The following ZNF728 variants were observed in gnomAD, a reference collection of about 807,000 sequenced individuals.
The protein encoded by ZNF728 is zinc finger protein 728.
In ZNF728, 12 loss-of-function variants were observed where a neutral mutation model predicts 12.5. The ratio of observed to expected loss-of-function variants is 0.96; its 90% CI spans 0.61 to 1.55. ZNF728 has a LOEUF of 1.55. Ranked by LOEUF, ZNF728 falls within the 40% of genes most tolerant of loss-of-function variation. The pLI, the probability that ZNF728 is intolerant of heterozygous loss-of-function variation, is 0.00. For missense variants in ZNF728, 692 were observed against 719.2 expected (o/e 0.96, Z 0.43); for synonymous variants, 205 against 240.7 (o/e 0.85, Z 1.37).
intron 1 of ZNF728, among the ~76,000 whole-genome samples, chr19:22,996,115 A>G (rs972561290): frequency 3.9e-5 from 6 of 152,206 alleles, no homozygotes; most frequent in South Asian, 4.1e-4. Flanking sequence ...ATATAAATAT[A>G]TAAGTATGAA....
chr19:22,988,251 C>T, intron 2 of ZNF728, 74 bp downstream of exon 2: 2 of 1,609,166 alleles, frequency 1.2e-6, no homozygotes, highest in Non-Finnish European at 1.7e-6. Context: ...CCTCCTTTGT[C>T]CAGGCCAATA....
At position 22,997,711 on chromosome 19, in the gene ZNF728, C is replaced by T. The variant is rs75485119; in HGVS notation, c.3+5317G>A. ...AAAAACTACAAAATATCAAGAAATCCTGGCATTAAATCTATTTAAAAAAAA... is the reference window on the plus strand; with the variant it reads ...AAAAACTACAAAATATCAAGAAATCTTGGCATTAAATCTATTTAAAAAAAA... On this transcript the variant is annotated intron_variant, in intron 1 of 3. Transcript: ENST00000594710. Among the ~76,000 whole-genome samples the T allele has an allele frequency of 1.8e-3, 272 of 150,312 alleles. 5 individuals are homozygous for T. The East Asian group carries it at 0.044, about 24-fold the overall frequency.
In ZNF728 at chr19:22,975,345, G is replaced by A. The variant is rs942074325; in HGVS notation, c.*123C>T. 3.4e-6 allele frequency: 3 copies of A among 876,368 alleles called. No homozygotes were observed. The highest frequency in any genetic ancestry group is 2.5e-5 in the East Asian group (1 of 39,216). 54.3% of individuals were successfully genotyped at this position (876,368 alleles called of 1,614,324 possible). On this transcript the variant is annotated 3_prime_UTR_variant, in exon 4 of 4. Transcript: ENST00000594710. ...TCCAGTATGAATTACCTTATGTTTA[G>A]TAAGGATTGAGGAACAGTTAAAAAA... is the stretch of plus-strand genomic sequence containing the variant.
At chr19:22,983,080 A>G (rs1332462683) in intron 3 of ZNF728, among the ~76,000 whole-genome samples, 2 of 152,154 alleles carry the variant, frequency 1.3e-5, no homozygotes, top group Admixed American at 6.5e-5. Context: ...GGCAACCTAC[A>G]GGATGGGAGA....
At chr19:22,984,627 C>T (rs1254245795) in intron 3 of ZNF728, among the ~76,000 whole-genome samples, 2 of 148,316 alleles carry the variant, frequency 1.3e-5, no homozygotes, top group Admixed American at 6.7e-5. Context: ...TATACACACA[C>T]ATAGGAATTT....
intron 1 of ZNF728, among the ~76,000 whole-genome samples, chr19:23,001,884 A>G (rs1969117199): frequency 6.6e-6 from 1 of 152,142 alleles, no homozygotes; most frequent in African/African-American, 2.4e-5. Context: ...GAAATAGGGG[A>G]TGGGGGATGG....
chr19:22,996,770 A>G (rs2145353124), intron 1 of ZNF728, among the ~76,000 whole-genome samples: 1 of 152,198 alleles, frequency 6.6e-6, no homozygotes, highest in African/African-American at 2.4e-5. Flanking sequence ...TATACATATA[A>G]TCTAAACTTT....
intron 3 of ZNF728, among the ~76,000 whole-genome samples, chr19:22,979,714 T>C (rs1386412937): frequency 2.0e-5 from 3 of 152,164 alleles, no homozygotes; most frequent in African/African-American, 7.2e-5. Flanking sequence ...TATTCAACAT[T>C]CTTAAAGAAA....
intron 3 of ZNF728, among the ~76,000 whole-genome samples, chr19:22,985,278 T>A (rs1448280931): frequency 2.0e-5 from 3 of 152,202 alleles, no homozygotes; most frequent in Admixed American, 6.5e-5. Context: ...AAAGGTGCCC[T>A]ATTTGCTTAA....
At chr19:22,996,321 C>G (rs1969050034) in intron 1 of ZNF728, among the ~76,000 whole-genome samples, 2 of 152,138 alleles carry the variant, frequency 1.3e-5, no homozygotes, top group African/African-American at 4.8e-5. Flanking sequence ...TGCAGGTTGT[C>G]TACAAACACT....
intron 1 of ZNF728, among the ~76,000 whole-genome samples, chr19:23,000,137 G>A (rs1218588347): frequency 1.3e-5 from 2 of 152,112 alleles, no homozygotes; most frequent in East Asian, 3.9e-4. Context: ...GTGGGGCCAA[G>A]GCAGGTGGAT....
In ZNF728 at chr19:22,976,713, T is replaced by C. The variant is rs538647964; in HGVS notation, c.624A>G (p.Lys208=). The change falls in exon 4 of 4, where the codon AAA becomes AAG. Residue 208 remains lysine (K), a synonymous_variant. Coordinates refer to ENST00000594710, the MANE Select transcript of ZNF728 (RefSeq NM_001267716.2). The part of the protein sequence containing the change: ...ENSYKSEEHG[K]AFNWSSALTY... The stretch of plus-strand genomic sequence containing the variant: ...TAAGGGCTGAGGACCAGTTAAAGGC[T>C]TTGCCATGTTCTTCACTTTTGTAGG... The C allele has an allele frequency of 1.8e-5, 29 of 1,613,440 alleles. No individual in the cohort carries two copies. In the African/African-American group the frequency reaches 3.5e-4, roughly 19 times the overall value.
At position 22,977,094 on chromosome 19, in the gene ZNF728, A is replaced by C. The variant is rs1213909448; in HGVS notation, c.243T>G (p.Phe81Leu). 3.2e-6 allele frequency: 5 copies of C among 1,577,822 alleles called. No individual in the cohort carries two copies. Among genetic ancestry groups the C allele is most frequent in the Non-Finnish European group, 4.3e-6 (5 of 1,166,340 alleles). Residue 81 changes from phenylalanine (F) to leucine (L), a missense_variant, in exon 4 of 4, where the codon TTT becomes TTG. Physicochemically the swap from Phe to Leu is conservative, Grantham distance 22. This residue lies in a region of ZNF728 where 440 missense variants were observed against 459.6 expected (regional missense o/e 0.96). Transcript: ENST00000594710. ...CCTGCTCTGGCCAAAGGTCTTGAGC[A>C]AAATGAGAACATATAACTGAAAAGA... ...VKEPPVICSH[F>L]AQDLWPEQGR...
intron 1 of ZNF728, among the ~76,000 whole-genome samples, chr19:23,002,362 A>G (rs1969122259): frequency 6.6e-6 from 1 of 152,166 alleles, no homozygotes. Context: ...ATATTGGGGG[A>G]AAAAATTCAG....
chr19:22,984,358 A>G (rs1014668168), intron 3 of ZNF728, among the ~76,000 whole-genome samples: 3 of 152,046 alleles, frequency 2.0e-5, no homozygotes, highest in African/African-American at 7.2e-5. Flanking sequence ...CAGGAGATAG[A>G]GACCATTCTG....
rs1464913302 is a variant in ZNF728 at position 22,977,068 on chromosome 19, C to T, written c.269G>A (p.Gly90Asp). ...CACTTTTTGGAAAGAATCTTCTCTG[C>T]CCTGCTCTGGCCAAAGGTCTTGAGC... ...HFAQDLWPEQGREDSFQKVIL... is the reference protein window; with the variant it reads ...HFAQDLWPEQDREDSFQKVIL... Residue 90 changes from glycine to aspartate, a missense_variant, in exon 4 of 4, where the codon GGC becomes GAC. Transcript: ENST00000594710. The T allele has an allele frequency of 6.2e-7, 1 of 1,608,534 alleles. No homozygotes were observed. The highest frequency in any genetic ancestry group is 1.1e-5 in the South Asian group (1 of 90,102).
intron 1 of ZNF728, among the ~76,000 whole-genome samples, chr19:22,991,485 T>C (rs1228150697): frequency 6.6e-6 from 1 of 152,238 alleles, no homozygotes; most frequent in East Asian, 1.9e-4. Context: ...TAAATTTTTA[T>C]TGTGTTTATA....
intron 1 of ZNF728, among the ~76,000 whole-genome samples, chr19:22,997,919 T>C (rs1969066333): frequency 1.3e-5 from 2 of 151,508 alleles, no homozygotes; most frequent in African/African-American, 4.9e-5. Flanking sequence ...AACAAGCATA[T>C]AAAAAAATGC....
At chr19:22,989,080 T>C (rs1449698624) in intron 1 of ZNF728, among the ~76,000 whole-genome samples, 1 of 142,112 alleles carries the variant, frequency 7.0e-6, no homozygotes, top group African/African-American at 2.6e-5. Flanking sequence ...AAAAAAAGAA[T>C]TAATTGTTTG....
Sources: gnomAD v4.1 joint callset for allele counts (sites outside exome capture counted in the v4.1 genomes callset) on GRCh38, gnomAD v4.1.1 for gene constraint, gnomAD v4.1.1 regional missense constraint, MANE v1.5 for transcripts, NCBI Gene and HGNC (gene_info 2026-07-23, HGNC 2026-07-21) for gene names.